Variants in GLIS3 observed in about 807,000 individuals in gnomAD.
GLIS3 encodes zinc finger protein GLIS3.
GLIS3 carries 53 observed loss-of-function variants against 78.6 expected under a neutral mutation model. The observed-to-expected ratio is 0.67, with a 90% CI of 0.54 to 0.85. The LOEUF is 0.85. GLIS3 is among the 40% of genes least tolerant of loss of function. The probability of loss-of-function intolerance (pLI) is 0.00; values close to 1 mark genes in which losing one functional copy is unlikely to be tolerated. For synonymous variants in GLIS3, 684 were observed against 509.9 expected (o/e 1.34, Z -4.60); for missense variants, 1,703 against 1,231.1 (o/e 1.38, Z -5.74).
chr9:3,936,982 A>C (rs1825932499), intron 5 of GLIS3, 46 bp downstream of exon 5: 2 of 1,610,818 alleles, frequency 1.2e-6, no homozygotes, highest in African/African-American at 1.3e-5. Flanking sequence ...GCACTTCCTC[A>C]CACCAGGCGC....
intron 8 of GLIS3, among the ~76,000 whole-genome samples, chr9:3,877,002 T>G (rs190059257): frequency 2.6e-5 from 4 of 152,062 alleles, no homozygotes; most frequent in African/African-American, 9.7e-5. Flanking sequence ...TTTTTCTACA[T>G]GTATTCTTTT....
intron 2 of GLIS3, among the ~76,000 whole-genome samples, chr9:4,265,848 C>G (rs1000043335): frequency 3.3e-5 from 5 of 152,022 alleles, no homozygotes; most frequent in Admixed American, 6.6e-5. Flanking sequence ...AACTTCACAA[C>G]TGAGTGTCAA....
At chr9:4,103,531 A>C (rs1830532305) in intron 4 of GLIS3, among the ~76,000 whole-genome samples, 1 of 152,136 alleles carries the variant, frequency 6.6e-6, no homozygotes, top group South Asian at 2.1e-4. Context: ...AAAAACTACC[A>C]ATTGCTGTTT....
intron 4 of GLIS3, among the ~76,000 whole-genome samples, chr9:4,020,734 A>C (rs887501997): frequency 5.3e-5 from 8 of 152,212 alleles, no homozygotes; most frequent in African/African-American, 1.9e-4. Context: ...TCAGATTATA[A>C]ATGTCTGATA....
rs1006855736 is a variant in GLIS3, at chr9:3,937,250, A to G, written c.1711-61T>C. On this transcript the variant is annotated intron_variant, in intron 4 of 10. Coordinates refer to ENST00000381971, the MANE Select transcript of GLIS3 (RefSeq NM_001042413.2). ...GACCTTGAATGTTTGAGTCTGGGGG[A>G]CAGCTAAAAAAAAAATGTTCTTAGT... 41 of 1,565,214 alleles carry G rather than the reference A, an allele frequency of 2.6e-5. No individual in the cohort carries two copies. In the African/African-American group the frequency reaches 4.8e-4, roughly 18 times the overall value.
At chr9:4,314,002 G>C (rs1817403207) in intron 2 of GLIS3, among the ~76,000 whole-genome samples, 1 of 152,186 alleles carries the variant, frequency 6.6e-6, no homozygotes, top group African/African-American at 2.4e-5. Context: ...TTGAGAGATG[G>C]CGTTACATAA....
the GLIS3 span, among the ~76,000 whole-genome samples, chr9:4,485,383 C>T: frequency 2.8e-4 from 43 of 152,192 alleles, no homozygotes; most frequent in African/African-American, 1.0e-3. Context: ...CACTCAGATC[C>T]ACAAATCAAC....
upstream of GLIS3, among the ~76,000 whole-genome samples, chr9:4,350,371 A>C (rs1180592947): frequency 6.6e-6 from 1 of 152,202 alleles, no homozygotes; most frequent in Non-Finnish European, 1.5e-5. Flanking sequence ...CATTTACTGG[A>C]TTTGACTTAA....
intron 2 of GLIS3, chr9:4,147,155 T>C (rs1330330753): frequency 2.0e-5 from 3 of 152,192 alleles, no homozygotes; most frequent in East Asian, 1.9e-4. Flanking sequence ...GTTCTGAAAG[T>C]TCAACGTCAT....
the GLIS3 span, among the ~76,000 whole-genome samples, chr9:4,357,587 G>GTA: frequency 6.6e-6 from 1 of 151,838 alleles, no homozygotes; most frequent in Non-Finnish European, 1.5e-5. Context: ...GTGTGTGTGT[G>GTA]TGCATGTGTA....
the GLIS3 span, among the ~76,000 whole-genome samples, chr9:4,359,195 C>T: frequency 6.6e-6 from 1 of 151,882 alleles, no homozygotes; most frequent in Non-Finnish European, 1.5e-5. Flanking sequence ...TTCAGGAACG[C>T]CCACCGCTCT....
At chr9:4,293,223 G>C (rs1197289842) in intron 1 of GLIS3, among the ~76,000 whole-genome samples, 3 of 152,172 alleles carry the variant, frequency 2.0e-5, no homozygotes, top group Non-Finnish European at 4.4e-5. Context: ...CCTTCAAAAA[G>C]GGTAACAAAC....
At chr9:4,061,848 T>C (rs932220733) in intron 4 of GLIS3, among the ~76,000 whole-genome samples, 10 of 152,346 alleles carry the variant, frequency 6.6e-5, no homozygotes, top group African/African-American at 2.4e-4. Flanking sequence ...ATGAGAACTG[T>C]CAATGCACAT....
intron 4 of GLIS3, among the ~76,000 whole-genome samples, chr9:4,025,047 C>T (rs147887229): frequency 2.6e-5 from 4 of 151,888 alleles, no homozygotes; most frequent in African/African-American, 7.3e-5. Flanking sequence ...GTCAGGAGTT[C>T]GAGACCAGCC....
intron 2 of GLIS3, among the ~76,000 whole-genome samples, chr9:4,268,785 C>T (rs4548236): frequency 0.21 from 32,153 of 152,034 alleles, 3,895 homozygotes; most frequent in South Asian, 0.45. Flanking sequence ...TCTCCAAGGT[C>T]CCAGTACCAG....
chr9:4,449,182 TG>T, the GLIS3 span, among the ~76,000 whole-genome samples: 1 of 152,166 alleles, frequency 6.6e-6, no homozygotes, highest in African/African-American at 2.4e-5. Flanking sequence ...ATGCATGGCT[TG>T]GCGGATCCCA....
chr9:4,247,848 A>C (rs1220846297), intron 2 of GLIS3, among the ~76,000 whole-genome samples: 2 of 152,184 alleles, frequency 1.3e-5, no homozygotes, highest in African/African-American at 2.4e-5. Flanking sequence ...GCAGTGATTA[A>C]ATCAAGCTAA....
intron 2 of GLIS3, among the ~76,000 whole-genome samples, chr9:4,127,796 T>C (rs902002407): frequency 9.2e-5 from 14 of 152,210 alleles, no homozygotes; most frequent in African/African-American, 3.1e-4. Context: ...TAATGTCATA[T>C]ATTTATCTAA....
At chr9:4,246,435 AAGATATTTTCACAACTCAAG>A (rs1327098395) in intron 2 of GLIS3, among the ~76,000 whole-genome samples, 3 of 152,182 alleles carry the variant, frequency 2.0e-5, no homozygotes, top group Non-Finnish European at 2.9e-5. Context: ...TGTTTAAGGT[AAGATATTTTCACAACTCAAG>A]AGGTATGGTC....
Sources: allele counts gnomAD v4.1 joint callset (sites outside exome capture counted in the v4.1 genomes callset), GRCh38; gene constraint gnomAD v4.1.1; transcripts MANE v1.5; gene names NCBI Gene and HGNC (gene_info 2026-07-23, HGNC 2026-07-21).